SESTD1: variants seen among roughly 807,000 people sequenced by gnomAD.
The protein encoded by SESTD1 is SEC14 domain and spectrin repeat-containing protein 1.
In SESTD1, 43 loss-of-function variants were observed where a neutral mutation model predicts 101.7. The observed-to-expected ratio is 0.42, with a 90% CI of 0.33 to 0.55. The LOEUF is 0.55. Ranked by LOEUF, SESTD1 falls within the 20% of genes least tolerant of loss-of-function variation. The pLI, the probability that SESTD1 is intolerant of heterozygous loss-of-function variation, is 0.07. For synonymous variants in SESTD1, 283 were observed against 286.8 expected (o/e 0.99, Z 0.13); for missense variants, 647 against 815.1 (o/e 0.79, Z 2.51).
chr2:179,116,196 C>CCTGGGAGGCAGAGGTTG, intron 15 of SESTD1, among the ~76,000 whole-genome samples: 1 of 151,802 alleles, frequency 6.6e-6, no homozygotes, highest in South Asian at 2.1e-4. Flanking sequence ...ATCGCCTGAA[C>CCTGGGAGGCAGAGGTTG]CTGGGAGGCA....
At chr2:179,250,237 T>A (rs540426260) in intron 1 of SESTD1, among the ~76,000 whole-genome samples, 3 of 151,752 alleles carry the variant, frequency 2.0e-5, no homozygotes, top group South Asian at 2.1e-4. Flanking sequence ...AGACAACTCA[T>A]CAAAGAGGAT....
chr2:179,144,835 T>C (rs2045359335), intron 8 of SESTD1, among the ~76,000 whole-genome samples: 2 of 151,978 alleles, frequency 1.3e-5, no homozygotes, highest in African/African-American at 4.8e-5. Context: ...AAATTAAATT[T>C]ACAATAGAAA....
chr2:179,209,443 A>G (rs1299805764), intron 1 of SESTD1, among the ~76,000 whole-genome samples: 1 of 135,012 alleles, frequency 7.4e-6, no homozygotes, highest in Non-Finnish European at 1.6e-5. Context: ...AGCATATGGA[A>G]CATTCTCCAA....
At position 179,213,544 on chromosome 2, in the gene SESTD1, A is replaced by G. The variant is rs1050866633; in HGVS notation, c.-25-21678T>C. The stretch of plus-strand genomic sequence containing the variant: ...TTGATTGGTGTACCTGAAAGTGAGA[A>G]GGAGAATGGAACCAAGTTGGAAAAC... On this transcript the variant is annotated intron_variant, in intron 1 of 17. Coordinates refer to ENST00000428443, the MANE Select transcript of SESTD1 (RefSeq NM_178123.5). Among the ~76,000 whole-genome samples, 46 of 135,582 alleles carry G rather than the reference A, an allele frequency of 3.4e-4. 7 individuals carry two copies. The highest frequency in any genetic ancestry group is 4.6e-4 in the Non-Finnish European group (29 of 62,882). The allele number at this position is 135,582 out of a possible 152,430, so 88.9% of individuals were successfully genotyped here.
intron 4 of SESTD1, among the ~76,000 whole-genome samples, chr2:179,173,519 T>A (rs943035432): frequency 2.6e-5 from 4 of 152,324 alleles, no homozygotes; most frequent in African/African-American, 9.6e-5. Context: ...GAATCCTCAT[T>A]ACTAAGTAGA....
At chr2:179,259,123 G>C (rs1479485223) in intron 1 of SESTD1, among the ~76,000 whole-genome samples, 1 of 152,084 alleles carries the variant, frequency 6.6e-6, no homozygotes, top group Non-Finnish European at 1.5e-5. Context: ...CTGCACCTTT[G>C]TTTCTTTATC....
chr2:179,232,107 A>G lies in SESTD1; in HGVS notation c.-26+32392T>C, dbSNP rs115253537. 8.4e-3 allele frequency among the ~76,000 whole-genome samples: 1,286 copies of G among 152,234 alleles called. 10 individuals are homozygous for G. The highest frequency in any genetic ancestry group is 0.029 in the African/African-American group (1,198 of 41,576). ...AATATTGACCAAAAAAAGTGCACAC[A>G]TATTAGGTAATTTAAAAAGCAACAG... On this transcript the variant is annotated intron_variant, in intron 1 of 17. Coordinates refer to ENST00000428443, the MANE Select transcript of SESTD1 (RefSeq NM_178123.5).
Position 179,186,739 on chromosome 2 carries a change from G to A in SESTD1, c.56-3551C>T, listed in dbSNP as rs2046238890. Among the ~76,000 whole-genome samples the A allele has an allele frequency of 2.0e-5, 3 of 148,556 alleles. No homozygotes were observed. In the South Asian group the frequency reaches 6.4e-4, roughly 32 times the overall value. On this transcript the variant is annotated intron_variant, in intron 2 of 17. Coordinates refer to ENST00000428443, the MANE Select transcript of SESTD1 (RefSeq NM_178123.5). ...GTCTTGCTCTGTCGCCCAGGCTGGAGTGCAGTGGCGCGATCTTGGCTCACT... is the reference window on the plus strand; with the variant it reads ...GTCTTGCTCTGTCGCCCAGGCTGGAATGCAGTGGCGCGATCTTGGCTCACT...
chr2:179,133,631 T>C (rs2045063990), intron 9 of SESTD1, among the ~76,000 whole-genome samples: 1 of 152,194 alleles, frequency 6.6e-6, no homozygotes, highest in African/African-American at 2.4e-5. Flanking sequence ...AAACTCAGGA[T>C]AGCTCCCAAG....
intron 1 of SESTD1, among the ~76,000 whole-genome samples, chr2:179,259,794 A>T (rs2105562644): frequency 6.6e-6 from 1 of 152,338 alleles, no homozygotes; most frequent in South Asian, 2.1e-4. Flanking sequence ...GTCTTTCTTC[A>T]TAACTGCCCT....
At chr2:179,221,528 G>A (rs1402597871) in intron 1 of SESTD1, among the ~76,000 whole-genome samples, 8 of 151,444 alleles carry the variant, frequency 5.3e-5, no homozygotes, top group Admixed American at 3.3e-4. Flanking sequence ...CAGGAGAATC[G>A]CTTGAAGCCA....
chr2:179,264,355 A>G (rs963138511), intron 1 of SESTD1, 144 bp downstream of exon 1: 1 of 149,370 alleles, frequency 6.7e-6, no homozygotes, highest in African/African-American at 2.5e-5. Flanking sequence ...TTCACTGCGT[A>G]GCCCCTCCGC....
intron 1 of SESTD1, among the ~76,000 whole-genome samples, chr2:179,238,222 G>T (rs542178671): frequency 4.6e-4 from 70 of 152,190 alleles, no homozygotes; most frequent in Admixed American, 7.9e-4. Flanking sequence ...GGAGGAAGAG[G>T]ATAGGTTGGC....
rs182438022 is a variant in SESTD1 at position 179,254,276 on chromosome 2, C to T, written c.-26+10223G>A. The stretch of plus-strand genomic sequence containing the variant: ...AAATTTAGGAGCTAAAAAAGAAAAC[C>T]TAATCTACTCCATCTATCCATTAAG... On this transcript the variant is annotated intron_variant, in intron 1 of 17. Transcript: ENST00000428443. 1.7e-4 allele frequency among the ~76,000 whole-genome samples: 26 copies of T among 151,838 alleles called. No individual in the cohort carries two copies. In the East Asian group the frequency reaches 1.7e-3, roughly 10 times the overall value.
At chr2:179,161,430 AG>A (rs1231722220) in intron 5 of SESTD1, among the ~76,000 whole-genome samples, 1 of 152,216 alleles carries the variant, frequency 6.6e-6, no homozygotes, top group Non-Finnish European at 1.5e-5. Flanking sequence ...TGGGAGGCCA[AG>A]GCGAGTGGAT....
intron 1 of SESTD1, among the ~76,000 whole-genome samples, chr2:179,259,712 T>C (rs990436850): frequency 2.6e-5 from 4 of 152,196 alleles, no homozygotes; most frequent in African/African-American, 7.2e-5. Flanking sequence ...TTTGTCACTG[T>C]TGGGTATTCA....
At chr2:179,180,711 G>C (rs1288142729) in intron 3 of SESTD1, among the ~76,000 whole-genome samples, 1 of 152,064 alleles carries the variant, frequency 6.6e-6, no homozygotes, top group Non-Finnish European at 1.5e-5. Flanking sequence ...AATGTTGGGG[G>C]GTTACGTTTT....
chr2:179,211,195 C>A (rs900212709), intron 1 of SESTD1, among the ~76,000 whole-genome samples: 1 of 133,690 alleles, frequency 7.5e-6, no homozygotes, highest in Non-Finnish European at 1.6e-5. Context: ...CCCATGCTCA[C>A]GGATGGATAG....
chr2:179,155,725 T>A (rs1314446405), intron 5 of SESTD1, among the ~76,000 whole-genome samples: 1 of 152,186 alleles, frequency 6.6e-6, no homozygotes, highest in African/African-American at 2.4e-5. Flanking sequence ...GAAATCCCAC[T>A]ATCATGTCCC....
Sources: allele counts gnomAD v4.1 joint callset (sites outside exome capture counted in the v4.1 genomes callset), GRCh38; gene constraint gnomAD v4.1.1; transcripts MANE v1.5; gene names NCBI Gene and HGNC (gene_info 2026-07-23, HGNC 2026-07-21).